Variants in KCNIP1 observed in about 807,000 individuals in gnomAD.
The protein encoded by KCNIP1 is A-type potassium channel modulatory protein KCNIP1.
A neutral mutation model predicts 33.0 loss-of-function variants in KCNIP1; 18 were observed. The observed-to-expected ratio is 0.55, with a 90% confidence interval of 0.38 to 0.81. The LOEUF is 0.81. Among genes scored for constraint, KCNIP1 ranks in the 30% least tolerant of loss-of-function variants. The pLI, the probability that KCNIP1 is intolerant of heterozygous loss-of-function variation, is 0.00. For synonymous variants in KCNIP1, 93 were observed against 98.3 expected (o/e 0.95, Z 0.32); for missense variants, 238 against 271.6 (o/e 0.88, Z 0.87).
chr5:170,525,120 A>C (rs1373540452), intron 1 of KCNIP1, among the ~76,000 whole-genome samples: 1 of 152,118 alleles, frequency 6.6e-6, no homozygotes, highest in Non-Finnish European at 1.5e-5. Context: ...CTGCTCTGAG[A>C]CCAGGATACG....
At chr5:170,609,739 C>T (rs571280108) in intron 1 of KCNIP1, among the ~76,000 whole-genome samples, 1 of 152,204 alleles carries the variant, frequency 6.6e-6, no homozygotes, top group East Asian at 1.9e-4. Context: ...CTCCTGTAGT[C>T]CCAACTACTT....
chr5:170,468,275 T>C (rs1361372946), intron 1 of KCNIP1, among the ~76,000 whole-genome samples: 1 of 152,192 alleles, frequency 6.6e-6, no homozygotes, highest in Admixed American at 6.5e-5. Flanking sequence ...AAAAAGGAAT[T>C]AAAATATATT....
chr5:170,526,446 T>A (rs1231392852), intron 1 of KCNIP1, among the ~76,000 whole-genome samples: 2 of 152,166 alleles, frequency 1.3e-5, no homozygotes, highest in Non-Finnish European at 2.9e-5. Flanking sequence ...CCAGGCCATA[T>A]TGGAACTGCC....
intron 1 of KCNIP1, among the ~76,000 whole-genome samples, chr5:170,488,365 C>G (rs1462720886): frequency 3.3e-5 from 5 of 152,156 alleles, no homozygotes; most frequent in Non-Finnish European, 1.5e-5. Flanking sequence ...ATGCCTGGTG[C>G]AGATGAGGTC....
intron 1 of KCNIP1, among the ~76,000 whole-genome samples, chr5:170,621,399 G>A (rs1759595916): frequency 6.6e-6 from 1 of 152,262 alleles, no homozygotes; most frequent in Non-Finnish European, 1.5e-5. Flanking sequence ...AGTAAGAGAG[G>A]GCATTCTCAC....
Position 170,619,573 on chromosome 5 carries a change from C to A in KCNIP1, c.62-99185C>A, listed in dbSNP as rs552161929. Among the ~76,000 whole-genome samples, 261 of 152,196 alleles carry A rather than the reference C, an allele frequency of 1.7e-3. 1 individual carries two copies. The highest frequency in any genetic ancestry group is 6.8e-3 in the Middle Eastern group (2 of 292). On this transcript the variant is annotated intron_variant, in intron 1 of 7. Coordinates refer to ENST00000328939, the MANE Select transcript of KCNIP1 (RefSeq NM_014592.4). Reference sequence around the variant, plus strand: ...ACCAAAATGAGACCCATCAAAGAAGCCTGGATGAAGGTGCCCACAGCATCC... The same window carrying A: ...ACCAAAATGAGACCCATCAAAGAAGACTGGATGAAGGTGCCCACAGCATCC...
intron 1 of KCNIP1, among the ~76,000 whole-genome samples, chr5:170,677,784 A>G (rs546537155): frequency 2.0e-5 from 3 of 152,230 alleles, no homozygotes; most frequent in Admixed American, 6.5e-5. Context: ...ACCTTTTCAC[A>G]AATAATCAAA....
chr5:170,580,964 C>T (rs551514296), intron 1 of KCNIP1, among the ~76,000 whole-genome samples: 1 of 152,280 alleles, frequency 6.6e-6, no homozygotes, highest in African/African-American at 2.4e-5. Context: ...ATCTCAAGTA[C>T]AGATACAGAT....
intron 1 of KCNIP1, among the ~76,000 whole-genome samples, chr5:170,537,336 A>G (rs1756029023): frequency 6.6e-6 from 1 of 152,236 alleles, no homozygotes; most frequent in African/African-American, 2.4e-5. Flanking sequence ...CATTCAACTC[A>G]GGGTATGAAT....
At chr5:170,515,713 C>T (rs1036460147) in intron 1 of KCNIP1, among the ~76,000 whole-genome samples, 1 of 152,318 alleles carries the variant, frequency 6.6e-6, no homozygotes, top group African/African-American at 2.4e-5. Flanking sequence ...AGGATTCGAA[C>T]CCAGATGGTT....
chr5:170,547,738 A>G (rs913565704), intron 1 of KCNIP1, among the ~76,000 whole-genome samples: 1 of 152,170 alleles, frequency 6.6e-6, no homozygotes, highest in African/African-American at 2.4e-5. Flanking sequence ...TTCATGGTGT[A>G]TATATACCTC....
chr5:170,461,521 C>A (rs1380186239), intron 1 of KCNIP1, among the ~76,000 whole-genome samples: 1 of 152,100 alleles, frequency 6.6e-6, no homozygotes, highest in Admixed American at 6.5e-5. Context: ...GAGACCGAGG[C>A]AGGCGGATCA....
At chr5:170,598,910 T>C (rs1337651633) in intron 1 of KCNIP1, among the ~76,000 whole-genome samples, 4 of 140,736 alleles carry the variant, frequency 2.8e-5, no homozygotes, top group Admixed American at 7.3e-5. Context: ...TGCGCGTGTG[T>C]GTGTGTGTGT....
chr5:170,613,413 A>T (rs1735359274), intron 1 of KCNIP1, among the ~76,000 whole-genome samples: 1 of 152,188 alleles, frequency 6.6e-6, no homozygotes, highest in Non-Finnish European at 1.5e-5. Flanking sequence ...ATATGCACTA[A>T]TTTATTTAGC....
intron 1 of KCNIP1, among the ~76,000 whole-genome samples, chr5:170,574,359 A>G (rs1482296891): frequency 1.3e-5 from 2 of 152,260 alleles, no homozygotes; most frequent in East Asian, 3.8e-4. Flanking sequence ...TATGAGCTAT[A>G]CATGCATTTA....
Position 170,728,669 on chromosome 5 carries a change from A to G in KCNIP1, c.436-4131A>G, listed in dbSNP as rs552089697. On this transcript the variant is annotated intron_variant, in intron 5 of 7. Transcript: ENST00000328939. ...AGAAAATTTTGATAAGTAGAGAAACATACCATCTTCTGAAAGGATGTATAT... is the reference window on the plus strand; with the variant it reads ...AGAAAATTTTGATAAGTAGAGAAACGTACCATCTTCTGAAAGGATGTATAT... Among the ~76,000 whole-genome samples the G allele has an allele frequency of 3.3e-4, 51 of 152,280 alleles. 1 individual carries two copies. In the South Asian group the frequency reaches 0.01, roughly 31 times the overall value.
At chr5:170,439,747 C>G (rs569598550) in intron 1 of KCNIP1, among the ~76,000 whole-genome samples, 39 of 152,372 alleles carry the variant, frequency 2.6e-4, no homozygotes, top group East Asian at 1.9e-3. Flanking sequence ...TCCCCTTCCC[C>G]AGGCTTGGCA....
At chr5:170,465,698 G>T (rs767684495) in intron 1 of KCNIP1, among the ~76,000 whole-genome samples, 6 of 152,194 alleles carry the variant, frequency 3.9e-5, no homozygotes, top group Non-Finnish European at 5.9e-5. Context: ...TTCAGATACT[G>T]CTCTGAACCT....
chr5:170,711,864 T>A (rs1481023075), intron 1 of KCNIP1, among the ~76,000 whole-genome samples: 1 of 152,108 alleles, frequency 6.6e-6, no homozygotes, highest in Non-Finnish European at 1.5e-5. Flanking sequence ...TGCCCACCTA[T>A]ACGATCACTT....
Sources: allele counts gnomAD v4.1 joint callset (sites outside exome capture counted in the v4.1 genomes callset), GRCh38; gene constraint gnomAD v4.1.1; transcripts MANE v1.5; gene names NCBI Gene and HGNC (gene_info 2026-07-23, HGNC 2026-07-21).